TMTC3: variants seen among roughly 807,000 people sequenced by gnomAD.
TMTC3 encodes the protein protein O-mannosyl-transferase TMTC3.
TMTC3 carries 52 observed loss-of-function variants against 92.2 expected under a neutral mutation model. The observed-to-expected ratio is 0.56, with a 90% CI of 0.45 to 0.71. TMTC3 has a LOEUF of 0.71. Among genes scored for constraint, TMTC3 ranks in the 30% least tolerant of loss-of-function variants. The probability of loss-of-function intolerance (pLI) is 0.00; values close to 1 mark genes in which losing one functional copy is unlikely to be tolerated. For synonymous variants in TMTC3, 339 were observed against 363.3 expected (o/e 0.93, Z 0.76); for missense variants, 896 against 1,057.1 (o/e 0.85, Z 2.11).
In TMTC3 at chr12:88,194,889, A is replaced by G. The variant is rs761227905; in HGVS notation, c.1985A>G (p.Asn662Ser). The change falls in exon 14 of 14, where the codon AAT (asparagine) becomes AGT (serine). Residue 662 changes from asparagine (N) to serine (S), a missense_variant. Coordinates refer to ENST00000266712, the MANE Select transcript of TMTC3 (RefSeq NM_181783.4). ...EARKRLLSYINEEPLDANGYF... is the reference protein window; with the variant it reads ...EARKRLLSYISEEPLDANGYF... Reference sequence around the variant, plus strand: ...AGAAAACGACTTCTAAGTTATATAAATGAAGAGCCACTAGATGCTAATGGG... The same window carrying G: ...AGAAAACGACTTCTAAGTTATATAAGTGAAGAGCCACTAGATGCTAATGGG... 1.2e-6 allele frequency: 2 copies of G among 1,612,736 alleles called. No homozygotes were observed. The highest frequency in any genetic ancestry group is 1.7e-6 in the Non-Finnish European group (2 of 1,179,562).
In TMTC3 at chr12:88,160,685, T is replaced by G. The variant is rs1404286144; in HGVS notation, c.631T>G (p.Leu211Val). 15 of 1,612,212 alleles carry G rather than the reference T, an allele frequency of 9.3e-6. No individual in the cohort carries two copies. Among genetic ancestry groups the G allele is most frequent in the Non-Finnish European group, 1.2e-5 (14 of 1,179,418 alleles). The change falls in exon 6 of 14, where the codon TTG (leucine) becomes GTG (valine). Residue 211 changes from leucine (L) to valine (V), a missense_variant. Coordinates refer to ENST00000266712, the MANE Select transcript of TMTC3 (RefSeq NM_181783.4). ...YEVFIAQGYT[L>V]PLLCTTAGQF... ...CATTTCTTTTCTTTTTCAGTATACT[T>G]TGCCATTACTATGTACTACTGCTGG...
rs1203262227 is a variant in TMTC3, at chr12:88,199,702, G to C, written c.*4053G>C. The C allele has an allele frequency of 6.6e-6, 1 of 152,164 alleles. No homozygotes were observed. Among genetic ancestry groups the C allele is most frequent in the Non-Finnish European group, 1.5e-5 (1 of 68,028 alleles). The allele number at this position is 152,164 out of a possible 1,614,324, so 9.4% of individuals were successfully genotyped here. On this transcript the variant is annotated 3_prime_UTR_variant, in exon 14 of 14. Transcript: ENST00000266712. ...CCTTGTGCTGTTCACTGCCATCAGG[G>C]AGGTAGCATAAAATGAAAGATAAAG...
intron 12 of TMTC3, among the ~76,000 whole-genome samples, chr12:88,191,801 C>T (rs1367638954): frequency 6.6e-6 from 1 of 150,736 alleles, no homozygotes; most frequent in Non-Finnish European, 1.5e-5. Context: ...CCTCTGCCTC[C>T]TGGGTTCAAG....
intron 4 of TMTC3, among the ~76,000 whole-genome samples, chr12:88,158,484 T>G (rs2041035978): frequency 6.6e-6 from 1 of 152,138 alleles, no homozygotes. Context: ...CTAATGAGAT[T>G]ATAAGATTTT....
At chr12:88,172,466 T>G in intron 7 of TMTC3, 131 bp from the exon 8 acceptor site, 1 of 405,960 alleles carries the variant, frequency 2.5e-6, no homozygotes, top group Non-Finnish European at 3.8e-6. Context: ...AAAAATAGTT[T>G]AGCAGTACAC....
chr12:88,199,318 A>G lies in TMTC3; in HGVS notation c.*3669A>G, dbSNP rs182615141. ...CTATATGTCCTCAGTTTCTTCATCTACAAGTTGGGAAAAACATTTTCCTCT... is the reference window on the plus strand; with the variant it reads ...CTATATGTCCTCAGTTTCTTCATCTGCAAGTTGGGAAAAACATTTTCCTCT... On this transcript the variant is annotated 3_prime_UTR_variant, in exon 14 of 14. Coordinates refer to ENST00000266712, the MANE Select transcript of TMTC3 (RefSeq NM_181783.4). The G allele has an allele frequency of 7.9e-5, 12 of 152,078 alleles. No homozygotes were observed. In the East Asian group the frequency reaches 1.7e-3, roughly 22 times the overall value. 9.4% of individuals were successfully genotyped at this position (152,078 alleles called of 1,614,324 possible).
chr12:88,180,821 T>A (rs570223458), intron 10 of TMTC3, among the ~76,000 whole-genome samples: 3 of 152,224 alleles, frequency 2.0e-5, no homozygotes, highest in Admixed American at 6.5e-5. Flanking sequence ...GACCACACCA[T>A]ACATTACTAT....
intron 4 of TMTC3, among the ~76,000 whole-genome samples, chr12:88,156,811 G>GTTTTTTTTTT (rs56284816): frequency 7.3e-6 from 1 of 136,756 alleles, no homozygotes; most frequent in Non-Finnish European, 1.6e-5. Context: ...GTGTGTGTGT[G>GTTTTTTTTTT]TTTTTTTTTT....
chr12:88,180,435 T>C (rs1357898183), intron 10 of TMTC3, among the ~76,000 whole-genome samples: 2 of 151,634 alleles, frequency 1.3e-5, no homozygotes, highest in Non-Finnish European at 2.9e-5. Flanking sequence ...TAATAGAGAG[T>C]AGCAGGTACA....
At chr12:88,175,001 C>CTA (rs2041243917) in intron 9 of TMTC3, among the ~76,000 whole-genome samples, 1 of 152,016 alleles carries the variant, frequency 6.6e-6, no homozygotes, top group Non-Finnish European at 1.5e-5. Context: ...AATCAGAATA[C>CTA]TATATTTCAT....
At position 88,166,449 on chromosome 12, in the gene TMTC3, T is replaced by C. The variant is rs770140430; in HGVS notation, c.917T>C (p.Met306Thr). ...NPSELCCDWT[M>T]GTIPLIESLL... is the part of the protein sequence containing the mutation. Reference sequence around the variant, plus strand: ...TCAGAGCTCTGCTGTGATTGGACCATGGGAACAATACCACTTATAGAGTCA... The same window carrying C: ...TCAGAGCTCTGCTGTGATTGGACCACGGGAACAATACCACTTATAGAGTCA... Residue 306 changes from methionine (M) to threonine (T), a missense_variant, in exon 7 of 14, where the codon ATG becomes ACG. By Grantham distance (81) the Met-to-Thr change is moderately conservative. Coordinates refer to ENST00000266712, the MANE Select transcript of TMTC3 (RefSeq NM_181783.4). The C allele has an allele frequency of 6.2e-7, 1 of 1,614,030 alleles. No homozygotes were observed. The highest frequency in any genetic ancestry group is 8.5e-7 in the Non-Finnish European group (1 of 1,179,968).
At chr12:88,173,271 T>C (rs1314502766) in intron 8 of TMTC3, among the ~76,000 whole-genome samples, 1 of 152,028 alleles carries the variant, frequency 6.6e-6, no homozygotes, top group Non-Finnish European at 1.5e-5. Context: ...TATTATCTCA[T>C]TGTATACTTA....
Position 88,166,315 on chromosome 12 carries a change from T to A in TMTC3, c.798-15T>A, listed in dbSNP as rs776671986. 3 of 1,588,890 alleles carry A rather than the reference T, an allele frequency of 1.9e-6. No homozygotes were observed. Among genetic ancestry groups the A allele is most frequent in the South Asian group, 2.3e-5 (2 of 86,184 alleles). On this transcript the variant is annotated splice_polypyrimidine_tract_variant and intron_variant, in intron 6 of 13. Transcript: ENST00000266712. The stretch of plus-strand genomic sequence containing the variant: ...AAAGTTTTATTTGTAATCTTTTTTT[T>A]AATCCTTTATACAGGTTTGATAACC...
At position 88,188,934 on chromosome 12, in the gene TMTC3, A is replaced by G. The variant is rs892848770; in HGVS notation, c.1524A>G (p.Ser508=). The G allele has an allele frequency of 1.4e-5, 22 of 1,588,516 alleles. No individual in the cohort carries two copies. Among genetic ancestry groups the G allele is most frequent in the African/African-American group, 2.7e-5 (2 of 73,880 alleles). The change falls in exon 11 of 14, where the codon TCA becomes TCG. Residue 508 remains serine (S), a synonymous_variant. Transcript: ENST00000266712. ...EAEESYMMAK[S]LMPQIIPGKK... ...AAGAATCTTACATGATGGCTAAATCACTGATGCCTCAAGTAAGTTGCCATA... is the reference window on the plus strand; with the variant it reads ...AAGAATCTTACATGATGGCTAAATCGCTGATGCCTCAAGTAAGTTGCCATA...
intron 1 of TMTC3, among the ~76,000 whole-genome samples, chr12:88,148,026 T>C (rs1286164834): frequency 6.6e-6 from 1 of 152,148 alleles, no homozygotes; most frequent in Non-Finnish European, 1.5e-5. Context: ...TCCAGTCTTC[T>C]GCCTTGGAAT....
chr12:88,190,399 T>C (rs1199301330), intron 11 of TMTC3, 54 bp from the exon 12 acceptor site: 2 of 1,542,302 alleles, frequency 1.3e-6, no homozygotes, highest in Admixed American at 1.7e-5. Context: ...ATATGTACTT[T>C]TGATTTTTGA....
At chr12:88,185,083 G>C (rs1477105039) in intron 10 of TMTC3, among the ~76,000 whole-genome samples, 1 of 152,054 alleles carries the variant, frequency 6.6e-6, no homozygotes, top group Non-Finnish European at 1.5e-5. Flanking sequence ...AAGTACATGT[G>C]ACATACAATA....
chr12:88,152,355 T>C (rs1180895320), intron 2 of TMTC3, among the ~76,000 whole-genome samples: 3 of 151,886 alleles, frequency 2.0e-5, no homozygotes, highest in Non-Finnish European at 4.4e-5. Context: ...ATGAACTCAT[T>C]ACAGTGGGGA....
chr12:88,160,012 A>G (rs2041057237), intron 4 of TMTC3, 102 bp from the exon 5 acceptor site: 1 of 684,346 alleles, frequency 1.5e-6, no homozygotes, highest in Non-Finnish European at 2.4e-6. Flanking sequence ...TTAATGAGAA[A>G]TAGCACTCAT....
Sources: allele counts gnomAD v4.1 joint callset (sites outside exome capture counted in the v4.1 genomes callset), GRCh38; gene constraint gnomAD v4.1.1; transcripts MANE v1.5; gene names NCBI Gene and HGNC (gene_info 2026-07-23, HGNC 2026-07-21).